The following HECW2 variants were observed in gnomAD, a reference collection of about 807,000 sequenced individuals.
The protein encoded by HECW2 is E3 ubiquitin-protein ligase HECW2.
Under a neutral mutation model 175.2 loss-of-function variants are expected in HECW2, and 61 were observed. That is an observed-to-expected ratio of 0.35 (90% CI 0.28 to 0.43). The LOEUF (loss-of-function observed/expected upper bound fraction) is 0.43. HECW2 is among the 20% of genes least tolerant of loss of function. The pLI is 1.00. For missense variants in HECW2, 1,524 were observed against 2,000.5 expected, an observed-to-expected ratio of 0.76 and a Z score of 4.54; for synonymous variants, 671 against 731.0, an observed-to-expected ratio of 0.92 and a Z score of 1.32.
rs184126800 is a variant in HECW2, at chr2:196,437,974, T to C, written c.-35-4516A>G. 1.6e-4 allele frequency among the ~76,000 whole-genome samples: 25 copies of C among 152,218 alleles called. 1 individual carries two copies. The Middle Eastern group carries it at 0.01, about 62-fold the overall frequency. ...AAGGCTGGATGGCGAAGAGGAGGCA[T>C]GTGGGGAGGGCAACATGGATTGAGA... On this transcript the variant is annotated intron_variant, in intron 1 of 28. Transcript: ENST00000644978.
chr2:196,375,863 C>A (rs1694037349), intron 2 of HECW2, among the ~76,000 whole-genome samples: 1 of 152,206 alleles, frequency 6.6e-6, no homozygotes. Flanking sequence ...ATCACCAATG[C>A]CATACATTTT....
At chr2:196,533,464 TTTTTGTGTGTGTGGGGGGGTATC>T (rs949456593) in intron 1 of HECW2, among the ~76,000 whole-genome samples, 13 of 151,780 alleles carry the variant, frequency 8.6e-5, no homozygotes, top group African/African-American at 3.2e-4. Context: ...TACTCATCTT[TTTTTGTGTGTGTGGGGGGGTATC>T]TTTTATCTAA....
intron 1 of HECW2, among the ~76,000 whole-genome samples, chr2:196,441,565 C>T (rs1273576247): frequency 1.3e-5 from 2 of 152,058 alleles, no homozygotes; most frequent in Non-Finnish European, 2.9e-5. Flanking sequence ...GTAACCCATC[C>T]CCAGCAAGGC....
At chr2:196,344,082 G>A (rs2105832068) in intron 2 of HECW2, among the ~76,000 whole-genome samples, 1 of 152,202 alleles carries the variant, frequency 6.6e-6, no homozygotes, top group South Asian at 2.1e-4. Flanking sequence ...TATAACAAAG[G>A]GGTTGGGTGT....
chr2:196,231,638 T>C (rs1157022416), intron 21 of HECW2, among the ~76,000 whole-genome samples: 2 of 152,132 alleles, frequency 1.3e-5, no homozygotes, highest in African/African-American at 4.8e-5. Context: ...ACAGGAAAAT[T>C]TTGCTAACCT....
intron 2 of HECW2, among the ~76,000 whole-genome samples, chr2:196,356,065 G>A (rs944736075): frequency 6.6e-6 from 1 of 152,176 alleles, no homozygotes; most frequent in African/African-American, 2.4e-5. Flanking sequence ...CAGCAGCATG[G>A]ATGAGGCAGA....
At chr2:196,282,968 T>C (rs980197262) in intron 14 of HECW2, among the ~76,000 whole-genome samples, 1 of 151,932 alleles carries the variant, frequency 6.6e-6, no homozygotes, top group Admixed American at 6.6e-5. Context: ...GAGCAAAAAG[T>C]TGGAAGGAGC....
At chr2:196,331,067 A>C in intron 4 of HECW2, 2 of 794,816 alleles carry the variant, frequency 2.5e-6, no homozygotes, top group Non-Finnish European at 3.0e-6. Context: ...TTTGAAGTAT[A>C]AATTTCTACT....
intron 21 of HECW2, among the ~76,000 whole-genome samples, chr2:196,231,780 AC>A (rs11312258): frequency 0.97 from 148,293 of 152,206 alleles, 72,375 homozygotes; most frequent in East Asian, 1. Context: ...CAAGGTCAGG[AC>A]CATCGAGACC....
chr2:196,455,688 C>A lies in HECW2; in HGVS notation c.-35-22230G>T, dbSNP rs116672842. Among the ~76,000 whole-genome samples, 251 of 152,116 alleles carry A rather than the reference C, an allele frequency of 1.7e-3. 1 individual carries two copies. The highest frequency in any genetic ancestry group is 5.6e-3 in the African/African-American group (231 of 41,534). On this transcript the variant is annotated intron_variant, in intron 1 of 28. Coordinates refer to ENST00000644978, the MANE Select transcript of HECW2 (RefSeq NM_001348768.2). ...ACTAAACATTTTACATTAAAACAATCTTTTTTAACTAAATTGAACACATAC... is the reference window on the plus strand; with the variant it reads ...ACTAAACATTTTACATTAAAACAATATTTTTTAACTAAATTGAACACATAC...
intron 1 of HECW2, among the ~76,000 whole-genome samples, chr2:196,521,282 CAAAAAAAAAAAAAAA>C (rs1158051512): frequency 1.9e-5 from 1 of 53,694 alleles, no homozygotes; most frequent in African/African-American, 5.3e-5. Flanking sequence ...ACGTGAGTAA[CAAAAAAAAAAAAAAA>C]AAAAAAAAAA....
At chr2:196,365,471 C>T (rs1268528886) in intron 2 of HECW2, among the ~76,000 whole-genome samples, 1 of 152,200 alleles carries the variant, frequency 6.6e-6, no homozygotes, top group African/African-American at 2.4e-5. Flanking sequence ...TGCCTATCTG[C>T]TGCAATTTTT....
intron 1 of HECW2, among the ~76,000 whole-genome samples, chr2:196,478,284 G>A (rs980702132): frequency 6.6e-6 from 1 of 152,152 alleles, no homozygotes; most frequent in African/African-American, 2.4e-5. Context: ...ATTTGGACAG[G>A]CAGAAAGGAG....
intron 28 of HECW2, among the ~76,000 whole-genome samples, chr2:196,204,846 G>T (rs1372648044): frequency 6.6e-6 from 1 of 152,192 alleles, no homozygotes; most frequent in Non-Finnish European, 1.5e-5. Flanking sequence ...GTTGGCAACA[G>T]TTCTTTCATT....
intron 1 of HECW2, among the ~76,000 whole-genome samples, chr2:196,456,843 G>A (rs1010567784): frequency 2.6e-5 from 4 of 152,186 alleles, no homozygotes; most frequent in African/African-American, 9.7e-5. Context: ...AGCAGTTATA[G>A]TACCTTACAG....
chr2:196,519,087 C>A (rs1424306949), intron 1 of HECW2, among the ~76,000 whole-genome samples: 1 of 152,200 alleles, frequency 6.6e-6, no homozygotes, highest in Non-Finnish European at 1.5e-5. Flanking sequence ...TGTGTAAGTG[C>A]TTTACATAGA....
intron 10 of HECW2, among the ~76,000 whole-genome samples, chr2:196,315,149 A>AGTGTGTGTGTGTGTGT (rs58473650): frequency 1.4e-5 from 2 of 144,716 alleles, no homozygotes; most frequent in Admixed American, 6.9e-5. Flanking sequence ...CGAGTGTATG[A>AGTGTGTGTGTGTGTGT]GTGTGTGTGT....
At chr2:196,365,355 C>A (rs146670635) in intron 2 of HECW2, among the ~76,000 whole-genome samples, 1 of 152,174 alleles carries the variant, frequency 6.6e-6, no homozygotes, top group Non-Finnish European at 1.5e-5. Flanking sequence ...AAGGAACAAC[C>A]CTTTTCCTGA....
chr2:196,530,577 T>G (rs1050083732), intron 1 of HECW2, among the ~76,000 whole-genome samples: 1 of 152,244 alleles, frequency 6.6e-6, no homozygotes, highest in African/African-American at 2.4e-5. Flanking sequence ...AATGGTTTCA[T>G]GTCTACCTTT....
Sources: allele counts gnomAD v4.1 joint callset (sites outside exome capture counted in the v4.1 genomes callset), GRCh38; gene constraint gnomAD v4.1.1; transcripts MANE v1.5; gene names NCBI Gene and HGNC (gene_info 2026-07-23, HGNC 2026-07-21).